COL4A5: variants seen among roughly 807,000 people sequenced by gnomAD.
COL4A5 encodes the protein collagen type IV alpha 5 chain, also known as collagen alpha-5(IV) chain.
COL4A5 carries 26 observed loss-of-function variants against 130.2 expected under a neutral mutation model. That is an observed-to-expected ratio of 0.20 (90% CI 0.15 to 0.28). COL4A5 has a LOEUF of 0.28. Among genes scored for constraint, COL4A5 ranks in the 10% least tolerant of loss-of-function variants. The pLI is 1.00. For missense variants in COL4A5, 1,131 were observed against 1,344.3 expected, an observed-to-expected ratio of 0.84 and a Z score of 2.48; for synonymous variants, 496 against 439.6, an observed-to-expected ratio of 1.13 and a Z score of -1.60.
At chrX:108,610,094 AT>A (rs1002324546) in intron 29 of COL4A5, among the ~76,000 whole-genome samples, 5 of 108,375 alleles carry the variant, frequency 4.6e-5, no homozygotes, top group Non-Finnish European at 3.8e-5. Flanking sequence ...TAAGGGCCAT[AT>A]TTTTTTTTCT....
intron 1 of COL4A5, among the ~76,000 whole-genome samples, chrX:108,486,706 A>G (rs2147537355): frequency 8.9e-6 from 1 of 111,999 alleles, no homozygotes; most frequent in Admixed American, 9.5e-5. Context: ...ACTTAGAATA[A>G]TGGTCTCCAA....
Position 108,696,282 on chromosome X carries a change from TTTC to T in COL4A5, c.4995-12_4995-10del, listed in dbSNP as rs1182977357. 8.5e-7 allele frequency: 1 copy of T among 1,181,670 alleles called. No individual in the cohort carries two copies. The highest frequency in any genetic ancestry group is 1.2e-6 in the Non-Finnish European group (1 of 869,409). On this transcript the variant is annotated splice_polypyrimidine_tract_variant and intron_variant, in intron 52 of 52. Transcript: ENST00000328300. ...AGAAAATGTGGATCTGATTGTCTTA[TTTC>T]TTATTTCCCAGTAAACCTCAGTCAG...
intron 36 of COL4A5, among the ~76,000 whole-genome samples, chrX:108,646,805 C>T (rs1302587169): frequency 9.0e-6 from 1 of 111,409 alleles, no homozygotes; most frequent in African/African-American, 3.3e-5. Context: ...ATATGGCTAG[C>T]CAGTTTTCCC....
chrX:108,454,877 T>C (rs1292655828), intron 1 of COL4A5, among the ~76,000 whole-genome samples: 3 of 111,716 alleles, frequency 2.7e-5, no homozygotes, highest in African/African-American at 9.7e-5. Context: ...CCTCCCAAAG[T>C]GCTGAGATTA....
chrX:108,662,572 G>A (rs752926938), intron 37 of COL4A5, among the ~76,000 whole-genome samples: 12 of 111,340 alleles, frequency 1.1e-4, no homozygotes, highest in African/African-American at 3.9e-4. Flanking sequence ...ACCAATAATA[G>A]ACAAACAGAG....
chrX:108,636,159 G>C lies in COL4A5; in HGVS notation c.3246+9810G>C, dbSNP rs776114191. Among the ~76,000 whole-genome samples the C allele has an allele frequency of 1.4e-4, 16 of 111,721 alleles. 1 individual carries two copies. Among genetic ancestry groups the C allele is most frequent in the Non-Finnish European group, 2.8e-4 (15 of 53,097 alleles). ...CAAAAATCAAATCATGCTGGGAAAA[G>C]AGGATACCTGTCTGCAAAAGAATGA... On this transcript the variant is annotated intron_variant, in intron 36 of 52. Transcript: ENST00000328300.
At chrX:108,685,686 CTTA>C (rs1603321770) in intron 47 of COL4A5, among the ~76,000 whole-genome samples, 1 of 112,006 alleles carries the variant, frequency 8.9e-6, no homozygotes, top group African/African-American at 3.2e-5. Context: ...GTCTTTTGCT[CTTA>C]TTAAGTGATC....
chrX:108,528,988 G>T (rs1603264966), intron 1 of COL4A5, among the ~76,000 whole-genome samples: 1 of 111,648 alleles, frequency 9.0e-6, no homozygotes. Context: ...ATAATGCAAA[G>T]AAATCTTCTC....
chrX:108,538,266 A>G (rs1239459681), intron 1 of COL4A5, among the ~76,000 whole-genome samples: 2 of 112,187 alleles, frequency 1.8e-5, no homozygotes, highest in African/African-American at 6.5e-5. Context: ...GAATAAGCCT[A>G]TTTAATCTGT....
intron 1 of COL4A5, among the ~76,000 whole-genome samples, chrX:108,445,684 C>T (rs1033891636): frequency 8.9e-6 from 1 of 111,899 alleles, no homozygotes; most frequent in African/African-American, 3.2e-5. Flanking sequence ...TGTTTTATGA[C>T]ATTTTATCTG....
At chrX:108,638,664 A>T (rs1182498626) in intron 36 of COL4A5, among the ~76,000 whole-genome samples, 1 of 112,110 alleles carries the variant, frequency 8.9e-6, no homozygotes, top group African/African-American at 3.2e-5. Context: ...CTATGTAGAA[A>T]ACTCTACAAA....
At position 108,590,932 on chromosome X, in the gene COL4A5, T is replaced by C. The variant is rs909809244; in HGVS notation, c.1166-126T>C. 1.1e-5 allele frequency: 7 copies of C among 639,630 alleles called. No individual in the cohort carries two copies. In the African/African-American group the frequency reaches 1.1e-4, roughly 10 times the overall value. The allele number at this position is 639,630 out of a possible 1,213,427, so 52.7% of individuals were successfully genotyped here. On this transcript the variant is annotated intron_variant, in intron 19 of 52. Coordinates refer to ENST00000328300, the MANE Select transcript of COL4A5 (RefSeq NM_033380.3). ...CTTTTTTTCAGACTTTTGAGTCTCA[T>C]AGAAAAAAAATAACATAACCAGAAT...
At chrX:108,557,542 G>A (rs909894004) in intron 2 of COL4A5, among the ~76,000 whole-genome samples, 1 of 111,647 alleles carries the variant, frequency 9.0e-6, no homozygotes, top group African/African-American at 3.3e-5. Flanking sequence ...AAACTGACCA[G>A]TAGTCTTTTC....
At chrX:108,585,309 TCA>T (rs1332363423) in intron 18 of COL4A5, among the ~76,000 whole-genome samples, 1 of 112,198 alleles carries the variant, frequency 8.9e-6, no homozygotes. Flanking sequence ...ATAATGAGTC[TCA>T]GTTATTAATA....
chrX:108,632,511 G>A (rs868210310), intron 36 of COL4A5, among the ~76,000 whole-genome samples: 1 of 110,968 alleles, frequency 9.0e-6, no homozygotes, highest in African/African-American at 3.3e-5. Flanking sequence ...ATCAAAGCCT[G>A]GCAGAGACAC....
At chrX:108,462,636 TA>T in intron 1 of COL4A5, 1 of 112,735 alleles carries the variant, frequency 8.9e-6, no homozygotes, top group East Asian at 2.8e-4. Flanking sequence ...CTACTGGGCT[TA>T]AGTGATCCAC....
chrX:108,472,264 T>C (rs1355566063), intron 1 of COL4A5, among the ~76,000 whole-genome samples: 1 of 111,699 alleles, frequency 9.0e-6, no homozygotes, highest in East Asian at 2.8e-4. Flanking sequence ...GTACATATGT[T>C]GTGTCTTAGA....
intron 1 of COL4A5, among the ~76,000 whole-genome samples, chrX:108,535,348 G>GT (rs1250977216): frequency 1.8e-5 from 2 of 109,770 alleles, no homozygotes; most frequent in Non-Finnish European, 3.8e-5. Flanking sequence ...TTTGCTTATG[G>GT]TTTTTTTTCT....
chrX:108,677,657 G>A (rs1457725192), intron 44 of COL4A5, 24 bp downstream of exon 44: 1 of 1,203,592 alleles, frequency 8.3e-7, no homozygotes, highest in East Asian at 3.0e-5. Context: ...GTAGATATCT[G>A]ATGAGAGAAG....
Sources: allele counts gnomAD v4.1 joint callset (sites outside exome capture counted in the v4.1 genomes callset), GRCh38; gene constraint gnomAD v4.1.1; transcripts MANE v1.5; gene names NCBI Gene and HGNC (gene_info 2026-07-23, HGNC 2026-07-21).